ARHGAP31: variants seen among roughly 807,000 people sequenced by gnomAD.
The protein encoded by ARHGAP31 is Rho GTPase activating protein 31, also known as rho GTPase-activating protein 31.
ARHGAP31 carries 34 observed loss-of-function variants against 113.9 expected under a neutral mutation model. That is an observed-to-expected ratio of 0.30 (90% CI 0.23 to 0.40). ARHGAP31 has a LOEUF of 0.40. Ranked by LOEUF, ARHGAP31 falls within the 10% of genes least tolerant of loss-of-function variation. The pLI, the probability that ARHGAP31 is intolerant of heterozygous loss-of-function variation, is 1.00. For missense variants in ARHGAP31, 1,548 were observed against 1,767.1 expected (o/e 0.88, Z 2.22); for synonymous variants, 650 against 684.8 (o/e 0.95, Z 0.79).
At chr3:119,308,302 G>C (rs2079648959) in intron 1 of ARHGAP31, among the ~76,000 whole-genome samples, 1 of 152,116 alleles carries the variant, frequency 6.6e-6, no homozygotes, top group Admixed American at 6.5e-5. Context: ...CAAACTTAAT[G>C]ACTTAAAACA....
chr3:119,383,841 G>A (rs894990682), intron 6 of ARHGAP31, among the ~76,000 whole-genome samples: 1 of 152,220 alleles, frequency 6.6e-6, no homozygotes, highest in Non-Finnish European at 1.5e-5. Flanking sequence ...CTTGAACCCA[G>A]TTGGTAAAGA....
At chr3:119,380,393 AT>A (rs2080385779) in intron 3 of ARHGAP31, among the ~76,000 whole-genome samples, 1 of 136,350 alleles carries the variant, frequency 7.3e-6, no homozygotes, top group African/African-American at 2.9e-5. Context: ...CTTGCTTGTT[AT>A]TTATTTATGT....
Position 119,415,336 on chromosome 3 carries a change from A to G in ARHGAP31, c.3407A>G (p.Glu1136Gly), listed in dbSNP as rs1175867594. Residue 1136 changes from glutamate to glycine, a missense_variant, in exon 12 of 12, where the codon GAG becomes GGG. Coordinates refer to ENST00000264245, the MANE Select transcript of ARHGAP31 (RefSeq NM_020754.4). ...SFSSPGMQVSEPGDPKVTWMT... is the reference protein window; with the variant it reads ...SFSSPGMQVSGPGDPKVTWMT... ...AGTTCACCTGGAATGCAGGTCTCTG[A>G]GCCAGGAGACCCAAAGGTCACATGG... 2 of 1,614,142 alleles carry G rather than the reference A, an allele frequency of 1.2e-6. No individual in the cohort carries two copies. Among genetic ancestry groups the G allele is most frequent in the South Asian group, 1.1e-5 (1 of 91,072 alleles).
At chr3:119,374,816 A>G (rs1343092737) in intron 3 of ARHGAP31, among the ~76,000 whole-genome samples, 5 of 152,216 alleles carry the variant, frequency 3.3e-5, no homozygotes, top group African/African-American at 4.8e-5. Context: ...TTCTTCAGAA[A>G]TTGCCCAGTC....
intron 1 of ARHGAP31, among the ~76,000 whole-genome samples, chr3:119,344,335 CAG>C (rs1413734409): frequency 6.6e-6 from 1 of 152,202 alleles, no homozygotes; most frequent in Non-Finnish European, 1.5e-5. Flanking sequence ...AGATAGGACA[CAG>C]TATCTCTGAA....
At chr3:119,345,599 G>A (rs1052684347) in intron 1 of ARHGAP31, among the ~76,000 whole-genome samples, 3 of 152,142 alleles carry the variant, frequency 2.0e-5, no homozygotes, top group African/African-American at 7.2e-5. Flanking sequence ...TTCCCACTGT[G>A]TCCTTGGAAC....
intron 7 of ARHGAP31, among the ~76,000 whole-genome samples, chr3:119,392,808 C>G (rs566535304): frequency 1.3e-5 from 2 of 152,370 alleles, no homozygotes; most frequent in South Asian, 4.1e-4. Context: ...TTTTCCAGGT[C>G]GGATTTCTCA....
intron 1 of ARHGAP31, among the ~76,000 whole-genome samples, chr3:119,334,509 G>T (rs540299120): frequency 9.2e-5 from 14 of 152,196 alleles, no homozygotes; most frequent in Non-Finnish European, 1.8e-4. Flanking sequence ...TGGTCCCCTC[G>T]AAGTCATGCC....
chr3:119,306,179 T>C (rs1316996604), intron 1 of ARHGAP31, among the ~76,000 whole-genome samples: 1 of 152,214 alleles, frequency 6.6e-6, no homozygotes, highest in Non-Finnish European at 1.5e-5. Context: ...AAATTAAATA[T>C]TAGTCAATTT....
chr3:119,314,365 C>T (rs2079710999), intron 1 of ARHGAP31: 1 of 152,362 alleles, frequency 6.6e-6, no homozygotes, highest in African/African-American at 2.4e-5. Flanking sequence ...CCCAACGCTG[C>T]TCTTATCATC....
chr3:119,329,934 A>G, intron 1 of ARHGAP31: 1 of 985,452 alleles, frequency 1.0e-6, no homozygotes. Flanking sequence ...TAAACAAACA[A>G]AGACGCTGAA....
At chr3:119,381,903 G>A (rs1045821584) in intron 4 of ARHGAP31, among the ~76,000 whole-genome samples, 4 of 151,424 alleles carry the variant, frequency 2.6e-5, no homozygotes, top group Non-Finnish European at 5.9e-5. Flanking sequence ...AGAGAATGGC[G>A]TGAACCCGGG....
intron 1 of ARHGAP31, among the ~76,000 whole-genome samples, chr3:119,363,206 T>TGA (rs145986321): frequency 6.6e-6 from 1 of 151,752 alleles, no homozygotes; most frequent in Admixed American, 6.6e-5. Context: ...ACAGGGATTT[T>TGA]GAGAGAGAGA....
chr3:119,339,792 TTAAATA>T (rs1423050377), intron 1 of ARHGAP31, among the ~76,000 whole-genome samples: 1 of 152,036 alleles, frequency 6.6e-6, no homozygotes, highest in East Asian at 1.9e-4. Context: ...GATCACAGAC[TTAAATA>T]TAAAATGCAA....
At chr3:119,330,910 A>C (rs559914346) in intron 1 of ARHGAP31, among the ~76,000 whole-genome samples, 4 of 152,252 alleles carry the variant, frequency 2.6e-5, no homozygotes, top group African/African-American at 4.8e-5. Flanking sequence ...AGCATTAAAA[A>C]TAATCTCGGC....
rs769437294 is a variant in ARHGAP31, at chr3:119,409,517, G to T, written c.1667G>T (p.Gly556Val). 4 of 1,614,086 alleles carry T rather than the reference G, an allele frequency of 2.5e-6. No individual in the cohort carries two copies. The highest frequency in any genetic ancestry group is 2.7e-5 in the African/African-American group (2 of 74,942). ...TSAASVPKKA[G>V]LEDAKAVPEA... is the part of the protein sequence containing the mutation. ...GCAGCTTCTGTACCTAAGAAGGCAGGTCTTGAGGATGCCAAGGCAGTACCT... is the reference window on the plus strand; with the variant it reads ...GCAGCTTCTGTACCTAAGAAGGCAGTTCTTGAGGATGCCAAGGCAGTACCT... The change falls in exon 11 of 12, where the codon GGT becomes GTT. Residue 556 changes from glycine to valine, a missense_variant. Gly to Val is a moderately radical substitution (Grantham distance 109). Coordinates refer to ENST00000264245, the MANE Select transcript of ARHGAP31 (RefSeq NM_020754.4).
chr3:119,298,337 G>A (rs1224834554), intron 1 of ARHGAP31, among the ~76,000 whole-genome samples: 1 of 152,186 alleles, frequency 6.6e-6, no homozygotes, highest in East Asian at 1.9e-4. Flanking sequence ...CACTGAATAA[G>A]AAGGCCCTTG....
chr3:119,331,637 C>T (rs897455270), intron 1 of ARHGAP31, among the ~76,000 whole-genome samples: 33 of 152,148 alleles, frequency 2.2e-4, no homozygotes, highest in African/African-American at 7.5e-4. Context: ...GCTCCAAGAG[C>T]CCTAAATTCA....
At chr3:119,302,978 T>G (rs1443750287) in intron 1 of ARHGAP31, among the ~76,000 whole-genome samples, 1 of 152,210 alleles carries the variant, frequency 6.6e-6, no homozygotes, top group African/African-American at 2.4e-5. Flanking sequence ...ACCCTATCTT[T>G]TCCTCCCAGG....
Sources: allele counts gnomAD v4.1 joint callset (sites outside exome capture counted in the v4.1 genomes callset), GRCh38; gene constraint gnomAD v4.1.1; transcripts MANE v1.5; gene names NCBI Gene and HGNC (gene_info 2026-07-23, HGNC 2026-07-21).